RTN1: variants seen among roughly 807,000 people sequenced by gnomAD.
RTN1 encodes the protein reticulon-1.
Under a neutral mutation model 65.5 loss-of-function variants are expected in RTN1, and 25 were observed. That is an observed-to-expected ratio of 0.38 (90% CI 0.28 to 0.53). The LOEUF is 0.53. Among genes scored for constraint, RTN1 ranks in the 20% least tolerant of loss-of-function variants. The probability of loss-of-function intolerance (pLI) is 0.79; values close to 1 mark genes in which losing one functional copy is unlikely to be tolerated. For missense variants in RTN1, 983 were observed against 1,025.4 expected (o/e 0.96, Z 0.57); for synonymous variants, 471 against 447.6 (o/e 1.05, Z -0.66).
intron 1 of RTN1, among the ~76,000 whole-genome samples, chr14:59,786,249 T>G (rs1428426868): frequency 1.3e-5 from 2 of 152,212 alleles, no homozygotes; most frequent in African/African-American, 4.8e-5. Context: ...TGCAGTCAGA[T>G]AGGCCTAGGT....
intron 3 of RTN1, among the ~76,000 whole-genome samples, chr14:59,629,648 G>A (rs912693092): frequency 9.9e-5 from 15 of 152,186 alleles, no homozygotes; most frequent in South Asian, 2.1e-4. Flanking sequence ...ATGTAACAAA[G>A]GAGAGATGGA....
At chr14:59,704,246 C>T (rs1273501806) in intron 3 of RTN1, among the ~76,000 whole-genome samples, 1 of 152,156 alleles carries the variant, frequency 6.6e-6, no homozygotes, top group Admixed American at 6.6e-5. Flanking sequence ...TAATTCTAGT[C>T]CCTTCAAGAA....
intron 3 of RTN1, among the ~76,000 whole-genome samples, chr14:59,708,409 G>A (rs1884344824): frequency 1.3e-5 from 2 of 152,208 alleles, no homozygotes; most frequent in South Asian, 4.1e-4. Context: ...AGCTGACATT[G>A]CATAAGGTGT....
intron 1 of RTN1, among the ~76,000 whole-genome samples, chr14:59,858,052 A>C (rs1413452009): frequency 6.6e-6 from 1 of 152,176 alleles, no homozygotes; most frequent in Non-Finnish European, 1.5e-5. Context: ...CATCCATCCA[A>C]GCAACAAGCT....
At chr14:59,845,734 C>T (rs1887396911) in intron 1 of RTN1, among the ~76,000 whole-genome samples, 1 of 152,186 alleles carries the variant, frequency 6.6e-6, no homozygotes, top group Non-Finnish European at 1.5e-5. Flanking sequence ...TACTACTTGT[C>T]CATATCTGAT....
Position 59,716,992 on chromosome 14 carries a change from A to AC in RTN1, c.1765+9926_1765+9927insG, listed in dbSNP as rs1566696485. Among the ~76,000 whole-genome samples, 937 of 139,630 alleles carry AC rather than the reference A, an allele frequency of 6.7e-3. 10 individuals are homozygous for AC. The highest frequency in any genetic ancestry group is 0.024 in the African/African-American group (882 of 36,560). 91.6% of individuals were successfully genotyped at this position (139,630 alleles called of 152,430 possible). ...CAACAAACAAACAAACAAACAAAAA[A>AC]AAAAAAAAAAAGAAGTAGAGGTTGA... is the stretch of plus-strand genomic sequence containing the variant. On this transcript the variant is annotated intron_variant, in intron 3 of 8. Transcript: ENST00000267484.
At chr14:59,604,071 T>A in intron 5 of RTN1, 150 bp from the exon 6 acceptor site, 1 of 515,810 alleles carries the variant, frequency 1.9e-6, no homozygotes, top group Non-Finnish European at 3.6e-6. Context: ...CATCACAGAA[T>A]CAATGAAAGA....
chr14:59,678,905 T>C (rs967136637), intron 3 of RTN1, among the ~76,000 whole-genome samples: 17 of 152,234 alleles, frequency 1.1e-4, no homozygotes, highest in African/African-American at 4.1e-4. Context: ...TTTAACAGGC[T>C]ATCCAGGTAA....
chr14:59,616,328 G>C (rs1214682622), intron 3 of RTN1, among the ~76,000 whole-genome samples: 1 of 152,120 alleles, frequency 6.6e-6, no homozygotes, highest in Non-Finnish European at 1.5e-5. Context: ...GTCTTTAACT[G>C]TGGCTGCCTT....
At chr14:59,865,735 T>A (rs1229537269) in intron 1 of RTN1, among the ~76,000 whole-genome samples, 5 of 152,324 alleles carry the variant, frequency 3.3e-5, no homozygotes, top group Middle Eastern at 3.4e-3. Flanking sequence ...GTTTGTCTCT[T>A]GAAATGTCTT....
At chr14:59,856,531 T>TC (rs561650843) in intron 1 of RTN1, among the ~76,000 whole-genome samples, 1 of 152,024 alleles carries the variant, frequency 6.6e-6, no homozygotes, top group Non-Finnish European at 1.5e-5. Flanking sequence ...TTCCAGCTGG[T>TC]CCCCACGGGC....
rs559432536 is a variant in RTN1, at chr14:59,666,919, T to C, written c.1766-59427A>G. Among the ~76,000 whole-genome samples the C allele has an allele frequency of 5.8e-5, 7 of 120,854 alleles. No individual in the cohort carries two copies. The South Asian group carries it at 1.3e-3, about 23-fold the overall frequency. 79.3% of individuals were successfully genotyped at this position (120,854 alleles called of 152,430 possible). On this transcript the variant is annotated intron_variant, in intron 3 of 8. Transcript: ENST00000267484. ...GAACTTGAATCTCTGAATAGACCAA[T>C]ATCAAGTTCTGAAATTGAGGCAGTA...
chr14:59,747,545 G>A (rs1394777374), intron 1 of RTN1, among the ~76,000 whole-genome samples: 1 of 152,188 alleles, frequency 6.6e-6, no homozygotes, highest in African/African-American at 2.4e-5. Flanking sequence ...GGAGGAGGTT[G>A]CGGTAAGCTG....
intron 3 of RTN1, among the ~76,000 whole-genome samples, chr14:59,613,588 G>A (rs1882020727): frequency 1.3e-5 from 2 of 152,182 alleles, no homozygotes; most frequent in East Asian, 1.9e-4. Flanking sequence ...GTGAGCCACC[G>A]CGCCCGGCCT....
intron 1 of RTN1, among the ~76,000 whole-genome samples, chr14:59,804,298 A>T (rs569873344): frequency 6.6e-6 from 1 of 151,928 alleles, no homozygotes; most frequent in South Asian, 2.1e-4. Flanking sequence ...TAGACTGGGG[A>T]TGTACATATG....
chr14:59,789,914 T>C (rs1267326809), intron 1 of RTN1, among the ~76,000 whole-genome samples: 1 of 152,108 alleles, frequency 6.6e-6, no homozygotes, highest in Non-Finnish European at 1.5e-5. Context: ...AATTGTGTTA[T>C]ATGCACAAAA....
Position 59,819,411 on chromosome 14 carries a change from ACCACC to A in RTN1, c.241+50974_241+50978del, listed in dbSNP as rs1886887972. On this transcript the variant is annotated intron_variant, in intron 1 of 8. Coordinates refer to ENST00000267484, the MANE Select transcript of RTN1 (RefSeq NM_021136.3). Reference sequence around the variant, plus strand: ...AGCTGATTGGTGCATCCACACCACCACCACCCCCCCCCCACCCCCCACCCCCCCCC... The same window carrying A: ...AGCTGATTGGTGCATCCACACCACCACCCCCCCCACCCCCCACCCCCCCCC... 6.3e-4 allele frequency among the ~76,000 whole-genome samples: 8 copies of A among 12,718 alleles called. 2 individuals carry two copies. Among genetic ancestry groups the A allele is most frequent in the African/African-American group, 2.1e-3 (3 of 1,456 alleles). The allele number at this position is 12,718 out of a possible 152,430, so 8.3% of individuals were successfully genotyped here. A position where few individuals can be genotyped will look rare whatever the true frequency, so the allele number is the denominator to read the frequency against.
At chr14:59,710,048 T>TC (rs963789138) in intron 3 of RTN1, among the ~76,000 whole-genome samples, 1 of 146,252 alleles carries the variant, frequency 6.8e-6, no homozygotes, top group Non-Finnish European at 1.5e-5. Context: ...TTTCTTTCTT[T>TC]TTTTTTTTTT....
intron 3 of RTN1, among the ~76,000 whole-genome samples, chr14:59,628,805 A>C (rs1283269961): frequency 5.3e-5 from 8 of 152,352 alleles, no homozygotes; most frequent in Admixed American, 3.9e-4. Flanking sequence ...CAAACCGCAT[A>C]AGATTGTGAT....
Sources: allele counts gnomAD v4.1 joint callset (sites outside exome capture counted in the v4.1 genomes callset), GRCh38; gene constraint gnomAD v4.1.1; transcripts MANE v1.5; gene names NCBI Gene and HGNC (gene_info 2026-07-23, HGNC 2026-07-21).